The following RUVBL1 variants were observed in gnomAD, a reference collection of about 807,000 sequenced individuals.
RUVBL1 encodes the protein ruvB-like 1.
In RUVBL1, 4 loss-of-function variants were observed where a neutral mutation model predicts 52.4. That is an observed-to-expected ratio of 0.08 (90% CI 0.04 to 0.17). The LOEUF is 0.17. RUVBL1 is among the 10% of genes least tolerant of loss of function. The pLI is 1.00. For missense variants in RUVBL1, 298 were observed against 572.8 expected (o/e 0.52, Z 4.90); for synonymous variants, 217 against 214.4 (o/e 1.01, Z -0.10).
At chr3:128,108,723 A>T (rs1006572073) in intron 3 of RUVBL1, among the ~76,000 whole-genome samples, 2 of 151,984 alleles carry the variant, frequency 1.3e-5, no homozygotes, top group African/African-American at 4.8e-5. Flanking sequence ...GTACTCAGAC[A>T]TTTGAACTAG....
At chr3:128,130,187 A>G (rs1943852103) in intron 1 of RUVBL1, among the ~76,000 whole-genome samples, 1 of 152,226 alleles carries the variant, frequency 6.6e-6, no homozygotes, top group Non-Finnish European at 1.5e-5. Flanking sequence ...GACTAATGAT[A>G]AAATCAGAAA....
intron 3 of RUVBL1, among the ~76,000 whole-genome samples, chr3:128,108,997 G>T (rs1054236283): frequency 2.6e-5 from 4 of 152,102 alleles, no homozygotes; most frequent in Non-Finnish European, 4.4e-5. Flanking sequence ...CTTTAAAAAG[G>T]GCAAAATTAA....
At chr3:128,074,007 G>C (rs1244087350) in intron 9 of RUVBL1, among the ~76,000 whole-genome samples, 2 of 148,082 alleles carry the variant, frequency 1.4e-5, no homozygotes, top group African/African-American at 5.0e-5. Context: ...GTTTAAAAGG[G>C]GGGTAGGAAG....
At chr3:128,069,172 A>G (rs1441584617) in intron 9 of RUVBL1, among the ~76,000 whole-genome samples, 1 of 152,226 alleles carries the variant, frequency 6.6e-6, no homozygotes, top group Non-Finnish European at 1.5e-5. Context: ...TTTCAACATT[A>G]TAATTAATGT....
chr3:128,086,341 C>T (rs1051211117), intron 9 of RUVBL1, among the ~76,000 whole-genome samples: 2 of 152,240 alleles, frequency 1.3e-5, no homozygotes, highest in African/African-American at 2.4e-5. Flanking sequence ...GTTCTCCCTG[C>T]CTCATGGGTT....
chr3:128,134,628 AAT>A (rs1323262847), intron 1 of RUVBL1, among the ~76,000 whole-genome samples: 1 of 139,498 alleles, frequency 7.2e-6, no homozygotes. Flanking sequence ...CTCTACAAAA[AAT>A]AAAAATAAAA....
At chr3:128,126,274 G>A (rs139325164), upstream of RUVBL1, among the ~76,000 whole-genome samples, 95 of 152,060 alleles carry the variant, frequency 6.2e-4, no homozygotes, top group Admixed American at 2.2e-3. Context: ...GGCCAGGGGC[G>A]GTGGTACACG....
At chr3:128,119,498 G>C in intron 1 of RUVBL1, 84 bp from the exon 2 acceptor site, 1 of 1,082,356 alleles carries the variant, frequency 9.2e-7, no homozygotes, top group Non-Finnish European at 1.4e-6. Context: ...GCCTACACAA[G>C]TCACACACTC....
rs1943187136 is a variant in RUVBL1 at position 128,104,868 on chromosome 3, G to T, written c.418C>A (p.Pro140Thr). 1 of 1,613,120 alleles carries T rather than the reference G, an allele frequency of 6.2e-7. No individual in the cohort carries two copies. The highest frequency in any genetic ancestry group is 8.5e-7 in the Non-Finnish European group (1 of 1,179,252). Residue 140 changes from proline to threonine, a missense_variant, in exon 4 of 11, where the codon CCG (proline) becomes ACG (threonine). Pro to Thr is a conservative substitution (Grantham distance 38). Around this residue, in one of 5 missense-constraint regions of RUVBL1, gnomAD observed 58 missense variants for 83.2 expected, o/e 0.70. Transcript: ENST00000322623. ...VYEGEVTELTPCETENPMGGY... is the reference protein window; with the variant it reads ...VYEGEVTELTTCETENPMGGY... ...CCCATGGGATTCTCTGTCTCACACGGAGTTAGCTCTGTGACTTCACCTTCA... is the reference window on the plus strand; with the variant it reads ...CCCATGGGATTCTCTGTCTCACACGTAGTTAGCTCTGTGACTTCACCTTCA...
At chr3:128,077,666 T>A (rs1942372279), downstream of RUVBL1, among the ~76,000 whole-genome samples, 2 of 152,214 alleles carry the variant, frequency 1.3e-5, no homozygotes, top group South Asian at 2.1e-4. Flanking sequence ...AGTTGCCCCG[T>A]GCTACCCCCT....
Position 128,153,423 on chromosome 3 carries a change from G to A in RUVBL1, c.-260C>T, listed in dbSNP as rs1019928358. On this transcript the variant is annotated 5_prime_UTR_variant, in exon 1 of 10. Transcript: ENST00000464873. ...GTGTGCACAGCGCGCCGGTTACGGGGGGGCAACTTAACGGGCCGGACCGCG... is the reference window on the plus strand; with the variant it reads ...GTGTGCACAGCGCGCCGGTTACGGGAGGGCAACTTAACGGGCCGGACCGCG... The A allele has an allele frequency of 4.0e-5, 57 of 1,419,664 alleles. No homozygotes were observed. The Middle Eastern group carries it at 7.8e-4, about 19-fold the overall frequency. 87.9% of individuals were successfully genotyped at this position (1,419,664 alleles called of 1,614,324 possible). A position where few individuals can be genotyped will look rare whatever the true frequency, so the allele number is the denominator to read the frequency against.
intron 7 of RUVBL1, 51 bp from the exon 8 acceptor site, chr3:128,097,549 CTA>C (rs1559814838): frequency 5.2e-6 from 8 of 1,526,130 alleles, no homozygotes; most frequent in Non-Finnish European, 7.3e-6. Flanking sequence ...CTGGGGGAGA[CTA>C]TCGCCTTTTC....
chr3:128,121,439 G>T (rs1241689676), intron 1 of RUVBL1, among the ~76,000 whole-genome samples: 2 of 150,814 alleles, frequency 1.3e-5, no homozygotes, highest in African/African-American at 2.4e-5. Context: ...AGCCAGGCGC[G>T]TTGGCTCATG....
chr3:128,150,771 TTATATATTCTA>T lies in RUVBL1; in HGVS notation c.-40+2421_-40+2431del, dbSNP rs1170998113. On this transcript the variant is annotated intron_variant, in intron 1 of 9. Transcript: ENST00000464873. ...ATATATTCTCTATATATTCTATATATTATATATTCTATATATATTCTATATATTATATATTC... is the reference window on the plus strand; with the variant it reads ...ATATATTCTCTATATATTCTATATATTATATATTCTATATATTATATATTC... Among the ~76,000 whole-genome samples the T allele has an allele frequency of 8.1e-5, 9 of 110,516 alleles. No individual in the cohort carries two copies. In the South Asian group the frequency reaches 1.5e-3, roughly 18 times the overall value. 72.5% of individuals were successfully genotyped at this position (110,516 alleles called of 152,430 possible). A position where few individuals can be genotyped will look rare whatever the true frequency, so the allele number is the denominator to read the frequency against.
intron 3 of RUVBL1, among the ~76,000 whole-genome samples, chr3:128,106,623 C>A (rs1436063542): frequency 6.6e-6 from 1 of 152,166 alleles, no homozygotes; most frequent in Non-Finnish European, 1.5e-5. Context: ...AGCACATAGG[C>A]AGGTAGAGTG....
At chr3:128,091,865 C>T (rs1942849931) in intron 8 of RUVBL1, among the ~76,000 whole-genome samples, 2 of 152,192 alleles carry the variant, frequency 1.3e-5, no homozygotes, top group Non-Finnish European at 2.9e-5. Flanking sequence ...AACAAATTTG[C>T]CCCTGGTTAA....
At position 128,111,925 on chromosome 3, in the gene RUVBL1, T is replaced by C. The variant is rs563153449; in HGVS notation, c.361+963A>G. 1.9e-3 allele frequency among the ~76,000 whole-genome samples: 292 copies of C among 152,298 alleles called. 1 individual carries two copies. The highest frequency in any genetic ancestry group is 6.5e-3 in the African/African-American group (272 of 41,552). ...ACTCAGCAGGCAAATCCTAGAAACA[T>C]ACTCGCACATGTGCACAAAGACACA... On this transcript the variant is annotated intron_variant, in intron 3 of 10. Coordinates refer to ENST00000322623, the MANE Select transcript of RUVBL1 (RefSeq NM_003707.3).
rs374326537 is a variant in RUVBL1, at chr3:128,069,236, C to T, written c.940-4016G>A. Among the ~76,000 whole-genome samples the T allele has an allele frequency of 3.6e-4, 55 of 152,328 alleles. 1 individual carries two copies. The East Asian group carries it at 7.3e-3, about 20-fold the overall frequency. On this transcript the variant is annotated intron_variant, in intron 9 of 9. Transcript: ENST00000464873. ...ATCCTTGTCTTCAAATCTCCAAAAT[C>T]TTATGTGACATCTCAGTTTGGTCTA...
chr3:128,120,766 G>T (rs1046140830), intron 1 of RUVBL1, among the ~76,000 whole-genome samples: 3 of 151,972 alleles, frequency 2.0e-5, no homozygotes, highest in Non-Finnish European at 1.5e-5. Flanking sequence ...GACTACAGGC[G>T]CCTGCCACCA....
Sources: gnomAD v4.1 joint callset for allele counts (sites outside exome capture counted in the v4.1 genomes callset) on GRCh38, gnomAD v4.1.1 for gene constraint, gnomAD v4.1.1 regional missense constraint, MANE v1.5 for transcripts, NCBI Gene and HGNC (gene_info 2026-07-23, HGNC 2026-07-21) for gene names.